The following LCORL variants were observed in gnomAD, a reference collection of about 807,000 sequenced individuals.
LCORL encodes ligand-dependent nuclear receptor corepressor-like protein.
In LCORL, 41 loss-of-function variants were observed where a neutral mutation model predicts 141.8. That is an observed-to-expected ratio of 0.29 (90% CI 0.23 to 0.38). LCORL has a LOEUF of 0.38. Among genes scored for constraint, LCORL ranks in the 10% least tolerant of loss-of-function variants. The pLI is 1.00. For synonymous variants in LCORL, 618 were observed against 694.1 expected, an observed-to-expected ratio of 0.89 and a Z score of 1.72; for missense variants, 1,759 against 2,035.0, an observed-to-expected ratio of 0.86 and a Z score of 2.61.
intron 1 of LCORL, among the ~76,000 whole-genome samples, chr4:18,014,976 T>TCA (rs1201399850): frequency 6.6e-6 from 1 of 152,186 alleles, no homozygotes; most frequent in Non-Finnish European, 1.5e-5. Flanking sequence ...TGAATGCTAG[T>TCA]TATATATACC....
At chr4:17,934,382 G>T (rs1736523596) in intron 4 of LCORL, among the ~76,000 whole-genome samples, 1 of 152,002 alleles carries the variant, frequency 6.6e-6, no homozygotes, top group African/African-American at 2.4e-5. Flanking sequence ...ATCTGTTCTA[G>T]TAATTGAAAA....
At chr4:17,985,389 T>C (rs1450102490) in intron 1 of LCORL, among the ~76,000 whole-genome samples, 1 of 152,150 alleles carries the variant, frequency 6.6e-6, no homozygotes, top group Non-Finnish European at 1.5e-5. Context: ...ATTTTTATTG[T>C]GTGGGAGTCT....
intron 4 of LCORL, among the ~76,000 whole-genome samples, chr4:17,937,296 A>G (rs1328574776): frequency 1.3e-5 from 2 of 152,216 alleles, no homozygotes; most frequent in East Asian, 3.8e-4. Context: ...AAGCTCTAGC[A>G]GCCATACTAT....
In LCORL at chr4:18,021,698, GGCGGCGGCAGCA is replaced by G. The variant is rs769142181; in HGVS notation, c.42_53del (p.Ala19_Ala22del). Reference sequence around the variant, plus strand: ...GGCTCCGGCACTGAGCGGCGGCGGCGGCGGCGGCAGCAGCGGCGGCGGCAGCGGCCATTCTCT... The same window carrying G: ...GGCTCCGGCACTGAGCGGCGGCGGCGGCGGCGGCGGCAGCGGCCATTCTCT... On this transcript the variant is annotated inframe_deletion, in exon 1 of 8. Transcript: ENST00000635767. The surrounding 1 kb of genome is among the most constrained non-coding windows in gnomAD (Gnocchi z 5.5). The G allele has an allele frequency of 5.5e-5, 84 of 1,530,608 alleles. 1 individual carries two copies. The highest frequency in any genetic ancestry group is 1.8e-4 in the African/African-American group (13 of 70,500). 94.8% of individuals were successfully genotyped at this position (1,530,608 alleles called of 1,614,324 possible).
intron 4 of LCORL, among the ~76,000 whole-genome samples, chr4:17,941,845 T>A (rs1183347250): frequency 7.7e-6 from 1 of 129,330 alleles, no homozygotes; most frequent in Non-Finnish European, 1.6e-5. Context: ...TCATTTCCCA[T>A]GATAGAATTT....
chr4:17,975,402 G>GC (rs1716750456), intron 1 of LCORL, among the ~76,000 whole-genome samples: 1 of 144,406 alleles, frequency 6.9e-6, no homozygotes, highest in South Asian at 2.2e-4. Context: ...GAATTCTTTT[G>GC]TTTTTTTTTT....
intron 4 of LCORL, among the ~76,000 whole-genome samples, chr4:17,953,620 A>G (rs537929266): frequency 1.2e-4 from 18 of 152,334 alleles, no homozygotes; most frequent in Admixed American, 1.2e-3. Context: ...AGCATACTGC[A>G]GCTGTGAGTT....
At position 17,939,458 on chromosome 4, in the gene LCORL, T is replaced by A. The variant is rs1577482107; in HGVS notation, c.430+22445A>T. Among the ~76,000 whole-genome samples the A allele has an allele frequency of 3.3e-5, 5 of 152,170 alleles. No individual in the cohort carries two copies. The East Asian group carries it at 7.7e-4, about 23-fold the overall frequency. On this transcript the variant is annotated intron_variant, in intron 4 of 7. Coordinates refer to ENST00000635767, the Ensembl canonical transcript of LCORL. ...TGATCCCATAACCCAGCAATTCTAC[T>A]CATAGGTATTTTCCCATGAGAAATG... is the stretch of plus-strand genomic sequence containing the variant.
At chr4:17,932,375 CTGTT>C (rs1330271628) in intron 4 of LCORL, among the ~76,000 whole-genome samples, 1 of 152,080 alleles carries the variant, frequency 6.6e-6, no homozygotes, top group Non-Finnish European at 1.5e-5. Context: ...GAGAGTTTGT[CTGTT>C]TGTTAATTAC....
At chr4:17,964,045 T>C (rs1467279320) in intron 2 of LCORL, among the ~76,000 whole-genome samples, 1 of 152,068 alleles carries the variant, frequency 6.6e-6, no homozygotes, top group Non-Finnish European at 1.5e-5. Context: ...TTAGGATCAG[T>C]AGCTAGGACT....
At chr4:17,896,581 C>G (rs990304636) in intron 5 of LCORL, among the ~76,000 whole-genome samples, 6 of 152,104 alleles carry the variant, frequency 3.9e-5, no homozygotes, top group African/African-American at 7.2e-5. Context: ...CACGCCTGGC[C>G]TGTGTTTCTT....
chr4:18,005,630 A>C (rs992082641), intron 1 of LCORL, among the ~76,000 whole-genome samples: 2 of 152,214 alleles, frequency 1.3e-5, no homozygotes, highest in African/African-American at 2.4e-5. Context: ...AGGTTCCCCT[A>C]AACCTAATTC....
Position 17,911,866 on chromosome 4 carries a change from G to A in LCORL, c.431-2521C>T, listed in dbSNP as rs932333539. On this transcript the variant is annotated intron_variant, in intron 4 of 7. Transcript: ENST00000635767. ...CGGCTTGAGGTCCGGGGACCTGGCC[G>A]TGGGGATGGCCGGGGGTCTGGCAGG... is the stretch of plus-strand genomic sequence containing the variant. The A allele has an allele frequency of 3.6e-5, 17 of 468,188 alleles. 1 individual carries two copies. The highest frequency in any genetic ancestry group is 1.6e-4 in the South Asian group (9 of 56,660). The allele number at this position is 468,188 out of a possible 1,614,324, so 29.0% of individuals were successfully genotyped here.
At position 18,005,217 on chromosome 4, in the gene LCORL, C is replaced by T. The variant is rs147774184; in HGVS notation, c.154+16381G>A. 2.4e-3 allele frequency among the ~76,000 whole-genome samples: 370 copies of T among 152,320 alleles called. 1 individual carries two copies. The highest frequency in any genetic ancestry group is 8.0e-3 in the African/African-American group (331 of 41,582). ...TACAGGCATGAGCCACCACACCTGGCTAGCAGTCAAATTTTGAAGCTCAAA... is the reference window on the plus strand; with the variant it reads ...TACAGGCATGAGCCACCACACCTGGTTAGCAGTCAAATTTTGAAGCTCAAA... On this transcript the variant is annotated intron_variant, in intron 1 of 7. Transcript: ENST00000635767.
chr4:17,855,333 A>G (rs1198127087), intron 7 of LCORL, among the ~76,000 whole-genome samples: 1 of 152,178 alleles, frequency 6.6e-6, no homozygotes, highest in East Asian at 1.9e-4. Flanking sequence ...AAAATAGGAA[A>G]TTTTAGTAAT....
At chr4:17,958,983 G>A (rs1048023334) in intron 4 of LCORL, among the ~76,000 whole-genome samples, 4 of 151,996 alleles carry the variant, frequency 2.6e-5, no homozygotes, top group Non-Finnish European at 5.9e-5. Context: ...GTTCACCTTT[G>A]TCCTAGAACA....
At chr4:17,944,161 C>T (rs1269293422) in intron 4 of LCORL, among the ~76,000 whole-genome samples, 2 of 152,172 alleles carry the variant, frequency 1.3e-5, no homozygotes, top group Admixed American at 6.5e-5. Flanking sequence ...CTTGTGACTA[C>T]AGTTTTCCCT....
intron 1 of LCORL, among the ~76,000 whole-genome samples, chr4:17,983,356 A>G (rs1718356269): frequency 6.6e-6 from 1 of 152,144 alleles, no homozygotes; most frequent in African/African-American, 2.4e-5. Context: ...TGCTTGGGGG[A>G]AAATGGTCAT....
At chr4:17,997,782 T>A (rs1295607432) in intron 1 of LCORL, among the ~76,000 whole-genome samples, 1 of 133,674 alleles carries the variant, frequency 7.5e-6, no homozygotes, top group Non-Finnish European at 1.5e-5. Flanking sequence ...TTATTGTTTG[T>A]TTGTTAGTAA....
Sources: gnomAD v4.1 joint callset for allele counts (sites outside exome capture counted in the v4.1 genomes callset) on GRCh38, gnomAD v4.1.1 for gene constraint, Gnocchi (gnomAD v3.1) non-coding constraint, MANE v1.5 for transcripts, NCBI Gene and HGNC (gene_info 2026-07-23, HGNC 2026-07-21) for gene names.